CADM2: variants seen among roughly 807,000 people sequenced by gnomAD.
CADM2 encodes cell adhesion molecule 2.
A neutral mutation model predicts 49.8 loss-of-function variants in CADM2; 12 were observed. That is an observed-to-expected ratio of 0.24 (90% CI 0.15 to 0.39). CADM2 has a LOEUF of 0.39. CADM2 is among the 10% of genes least tolerant of loss of function. The probability of loss-of-function intolerance (pLI) is 1.00; values close to 1 mark genes in which losing one functional copy is unlikely to be tolerated. For missense variants in CADM2, 378 were observed against 492.3 expected, an observed-to-expected ratio of 0.77 and a Z score of 2.20; for synonymous variants, 214 against 175.4, an observed-to-expected ratio of 1.22 and a Z score of -1.74.
intron 1 of CADM2, among the ~76,000 whole-genome samples, chr3:85,072,670 A>T (rs2036799301): frequency 6.6e-6 from 1 of 152,088 alleles, no homozygotes; most frequent in Non-Finnish European, 1.5e-5. Context: ...TAAAAGACAT[A>T]GTCTCTTTTC....
chr3:85,783,739 G>A (rs2070798863), intron 2 of CADM2, among the ~76,000 whole-genome samples: 2 of 152,172 alleles, frequency 1.3e-5, no homozygotes, highest in African/African-American at 4.8e-5. Context: ...ACAAACAGCA[G>A]AGTTTACTGG....
At chr3:85,219,757 A>T in intron 1 of CADM2, among the ~76,000 whole-genome samples, 1 of 152,178 alleles carries the variant, frequency 6.6e-6, no homozygotes, top group East Asian at 1.9e-4. Context: ...TACCTCTTTA[A>T]AGAAACTATT....
At chr3:85,311,049 A>G (rs2044331015) in intron 1 of CADM2, among the ~76,000 whole-genome samples, 1 of 152,152 alleles carries the variant, frequency 6.6e-6, no homozygotes, top group South Asian at 2.1e-4. Flanking sequence ...GCAGGCAGGA[A>G]CATCCAAAAG....
chr3:85,470,330 T>C (rs534293999), intron 1 of CADM2, among the ~76,000 whole-genome samples: 3 of 152,172 alleles, frequency 2.0e-5, no homozygotes, highest in Admixed American at 6.5e-5. Context: ...ATATGTGTCC[T>C]GGGAATACAG....
At chr3:85,290,808 C>T (rs2106932257) in intron 1 of CADM2, among the ~76,000 whole-genome samples, 1 of 152,240 alleles carries the variant, frequency 6.6e-6, no homozygotes, top group South Asian at 2.1e-4. Flanking sequence ...CATCAAAGAC[C>T]AAAAGTAGAT....
intron 1 of CADM2, among the ~76,000 whole-genome samples, chr3:85,590,617 A>G (rs1364722366): frequency 6.6e-6 from 1 of 152,066 alleles, no homozygotes; most frequent in East Asian, 1.9e-4. Flanking sequence ...TTGAACTGTT[A>G]TAGAATGAAA....
chr3:85,777,545 C>A (rs1577288987), intron 2 of CADM2, among the ~76,000 whole-genome samples: 1 of 152,216 alleles, frequency 6.6e-6, no homozygotes, highest in Non-Finnish European at 1.5e-5. Context: ...TGAGCCACTG[C>A]ACCTGGCCTG....
intron 8 of CADM2, among the ~76,000 whole-genome samples, chr3:86,019,770 G>A (rs1345918520): frequency 7.6e-4 from 115 of 152,018 alleles, no homozygotes; most frequent in African/African-American, 2.6e-3. Context: ...AGCTTAAGGA[G>A]ATTTTGGGCT....
At chr3:85,583,133 C>G (rs915483116) in intron 1 of CADM2, among the ~76,000 whole-genome samples, 2 of 152,074 alleles carry the variant, frequency 1.3e-5, no homozygotes, top group African/African-American at 4.8e-5. Context: ...TTCATGACAA[C>G]TGGCAGTCTT....
intron 1 of CADM2, among the ~76,000 whole-genome samples, chr3:85,693,892 T>A: frequency 8.1e-6 from 1 of 123,396 alleles, no homozygotes; most frequent in Non-Finnish European, 1.6e-5. Context: ...CAAGACTCCC[T>A]CTAAAAAAAA....
intron 3 of CADM2, among the ~76,000 whole-genome samples, chr3:85,852,677 A>G (rs1009603057): frequency 6.6e-6 from 1 of 152,166 alleles, no homozygotes; most frequent in African/African-American, 2.4e-5. Context: ...TTAAAGCCAA[A>G]GAAAAGAGAC....
intron 1 of CADM2, among the ~76,000 whole-genome samples, chr3:85,564,772 A>G (rs991304004): frequency 6.6e-6 from 1 of 152,102 alleles, no homozygotes; most frequent in Non-Finnish European, 1.5e-5. Flanking sequence ...AACATACTTT[A>G]ATACAAGAGG....
intron 3 of CADM2, among the ~76,000 whole-genome samples, chr3:85,858,251 T>G (rs2075389052): frequency 1.3e-5 from 2 of 152,238 alleles, no homozygotes; most frequent in African/African-American, 4.8e-5. Context: ...TCACATTTGA[T>G]GAAACATGTT....
At chr3:86,033,851 A>G (rs1734844824) in intron 8 of CADM2, among the ~76,000 whole-genome samples, 1 of 147,900 alleles carries the variant, frequency 6.8e-6, no homozygotes, top group African/African-American at 2.5e-5. Context: ...ATAATTATAT[A>G]TTTATATATA....
At chr3:85,838,509 T>G (rs538155296) in intron 3 of CADM2, among the ~76,000 whole-genome samples, 1 of 151,986 alleles carries the variant, frequency 6.6e-6, no homozygotes, top group Non-Finnish European at 1.5e-5. Flanking sequence ...AAAAATAATT[T>G]TAACAATTAT....
intron 1 of CADM2, among the ~76,000 whole-genome samples, chr3:85,015,605 A>G (rs748181769): frequency 6.6e-6 from 1 of 152,210 alleles, no homozygotes; most frequent in Non-Finnish European, 1.5e-5. Context: ...GCCAACAAGA[A>G]ACCTTGATTT....
intron 8 of CADM2, among the ~76,000 whole-genome samples, chr3:86,053,628 T>A (rs1489166209): frequency 6.6e-6 from 1 of 152,098 alleles, no homozygotes; most frequent in Admixed American, 6.6e-5. Context: ...TCATGGTCTA[T>A]CCTCTTGATA....
At chr3:85,208,675 C>A (rs150779764) in intron 1 of CADM2, among the ~76,000 whole-genome samples, 1 of 152,090 alleles carries the variant, frequency 6.6e-6, no homozygotes, top group South Asian at 2.1e-4. Flanking sequence ...TGGAGACAGG[C>A]AGCTTGTCTA....
intron 1 of CADM2, among the ~76,000 whole-genome samples, chr3:85,050,079 T>C (rs2035824718): frequency 6.6e-6 from 1 of 151,954 alleles, no homozygotes; most frequent in Non-Finnish European, 1.5e-5. Context: ...GAGGCAGATG[T>C]TGTGGAAACA....
Sources: allele counts gnomAD v4.1 joint callset (sites outside exome capture counted in the v4.1 genomes callset), GRCh38; gene constraint gnomAD v4.1.1; transcripts MANE v1.5; gene names NCBI Gene and HGNC (gene_info 2026-07-23, HGNC 2026-07-21).